FAM178B: variants seen among roughly 807,000 people sequenced by gnomAD.
The protein encoded by FAM178B is protein FAM178B.
In FAM178B, 82 loss-of-function variants were observed where a neutral mutation model predicts 91.7. The observed-to-expected ratio is 0.89, with a 90% CI of 0.75 to 1.07. The LOEUF (loss-of-function observed/expected upper bound fraction) is 1.07, where lower values mean the gene tolerates loss of function less well. Ranked by LOEUF, FAM178B falls within the 50% of genes least tolerant of loss-of-function variation. FAM178B has a pLI of 0.00. For synonymous variants in FAM178B, 368 were observed against 359.4 expected (o/e 1.02, Z -0.27); for missense variants, 769 against 846.7 (o/e 0.91, Z 1.14).
At chr2:96,933,698 G>C (rs2081579796) in intron 8 of FAM178B, among the ~76,000 whole-genome samples, 1 of 152,182 alleles carries the variant, frequency 6.6e-6, no homozygotes, top group Admixed American at 6.5e-5. Flanking sequence ...CAGCTAATGA[G>C]CTCTGCTGGG....
At chr2:96,879,071 G>C (rs1476876516) in intron 14 of FAM178B, among the ~76,000 whole-genome samples, 2 of 152,212 alleles carry the variant, frequency 1.3e-5, no homozygotes, top group Non-Finnish European at 2.9e-5. Flanking sequence ...AGAACAATTT[G>C]ATCTTGAGGC....
intron 16 of FAM178B, among the ~76,000 whole-genome samples, chr2:96,876,602 A>G (rs2080247811): frequency 6.6e-6 from 1 of 151,984 alleles, no homozygotes; most frequent in Non-Finnish European, 1.5e-5. Context: ...TTCCTTGGGG[A>G]GTGAGGGTGA....
rs60102987 is a variant in FAM178B, at chr2:96,930,210, CAAAAAAAAAAA to C, written c.1079-901_1079-891del. Among the ~76,000 whole-genome samples the C allele has an allele frequency of 9.0e-3, 355 of 39,526 alleles. 12 individuals carry two copies. In the East Asian group the frequency reaches 0.14, roughly 15 times the overall value. The allele number at this position is 39,526 out of a possible 152,430, so 25.9% of individuals were successfully genotyped here. A position where few individuals can be genotyped will look rare whatever the true frequency, so the allele number is the denominator to read the frequency against. On this transcript the variant is annotated intron_variant, in intron 8 of 16. Coordinates refer to ENST00000490605, the MANE Select transcript of FAM178B (RefSeq NM_001122646.3). ...GTGACAGAGCGAGACTCCGTCTCTC[CAAAAAAAAAAA>C]AAAAAAAAAAAAAAAAAAAAAAATC...
In FAM178B at chr2:96,890,197, C is replaced by T. The variant is rs2080637452; in HGVS notation, c.1776+3729G>A. On this transcript the variant is annotated intron_variant, in intron 14 of 16. Transcript: ENST00000490605. The stretch of plus-strand genomic sequence containing the variant: ...GTCTCAGGCACGAGAATCGCTTGAA[C>T]CTGGGAGGTGGAGGTTGCAGTGAGC... Among the ~76,000 whole-genome samples the T allele has an allele frequency of 2.0e-5, 3 of 152,134 alleles. No homozygotes were observed. The South Asian group carries it at 6.2e-4, about 32-fold the overall frequency.
intron 8 of FAM178B, among the ~76,000 whole-genome samples, chr2:96,944,667 T>C (rs1330311774): frequency 6.6e-6 from 1 of 152,212 alleles, no homozygotes; most frequent in African/African-American, 2.4e-5. Flanking sequence ...TTCCTTGTCA[T>C]GTGAGCTAAC....
intron 12 of FAM178B, among the ~76,000 whole-genome samples, chr2:96,906,357 A>G (rs1034910213): frequency 2.6e-5 from 4 of 151,944 alleles, no homozygotes; most frequent in Non-Finnish European, 4.4e-5. Context: ...ATGTACCACC[A>G]AGCCCGACCG....
intron 1 of FAM178B, among the ~76,000 whole-genome samples, chr2:96,979,354 A>G (rs1370818046): frequency 7.1e-6 from 1 of 140,768 alleles, no homozygotes; most frequent in Non-Finnish European, 1.5e-5. Flanking sequence ...ATCTTCACTC[A>G]CTGCAACCTC....
Position 96,922,535 on chromosome 2 carries a change from A to G in FAM178B, c.1288-881T>C, listed in dbSNP as rs770498770. On this transcript the variant is annotated intron_variant, in intron 10 of 16. Coordinates refer to ENST00000490605, the MANE Select transcript of FAM178B (RefSeq NM_001122646.3). ...CGACTAATTATTGTATGTTTAGTAG[A>G]GACGGGGTTTCACCATGTTGGCCAG... 5.3e-5 allele frequency among the ~76,000 whole-genome samples: 8 copies of G among 152,186 alleles called. 1 individual carries two copies. Among genetic ancestry groups the G allele is most frequent in the Non-Finnish European group, 1.0e-4 (7 of 68,032 alleles).
chr2:96,975,023 G>A (rs191741407), intron 1 of FAM178B, among the ~76,000 whole-genome samples: 6 of 150,090 alleles, frequency 4.0e-5, no homozygotes, highest in East Asian at 2.0e-4. Flanking sequence ...CCCGGGAGGC[G>A]GAGGTTGCAG....
chr2:96,960,515 G>T, intron 5 of FAM178B, 75 bp from the exon 6 acceptor site: 1 of 1,459,504 alleles, frequency 6.9e-7, no homozygotes, highest in Non-Finnish European at 9.2e-7. Context: ...TTAGCCCAGG[G>T]AAGGATAGAG....
At chr2:96,960,689 A>G (rs2082067235) in intron 5 of FAM178B, among the ~76,000 whole-genome samples, 1 of 152,196 alleles carries the variant, frequency 6.6e-6, no homozygotes, top group African/African-American at 2.4e-5. Flanking sequence ...CAGAAGACCC[A>G]ACCCCACCCA....
At chr2:96,894,400 G>T (rs57675226) in intron 13 of FAM178B, among the ~76,000 whole-genome samples, 9,949 of 86,054 alleles carry the variant, frequency 0.12, 603 homozygotes, top group Middle Eastern at 0.22. Context: ...ACATACCCAG[G>T]CCTCCCACCC....
intron 8 of FAM178B, among the ~76,000 whole-genome samples, chr2:96,933,767 G>A (rs570761866): frequency 3.3e-4 from 51 of 152,286 alleles, no homozygotes; most frequent in Non-Finnish European, 6.5e-4. Flanking sequence ...CCCTGAATCC[G>A]AGATACCACA....
chr2:96,975,781 T>C (rs1413328830), intron 1 of FAM178B, among the ~76,000 whole-genome samples: 2 of 152,334 alleles, frequency 1.3e-5, no homozygotes, highest in East Asian at 3.9e-4. Flanking sequence ...TGTACCATAG[T>C]TCCCCCTTAT....
rs779288579 is a variant in FAM178B, at chr2:96,967,531, T to A, written c.723A>T (p.Thr241=). ...CCCCTGCCCCTCACCTGTGCTCGGG[T>A]GTGAGTGGCACTTCCTCTTCATCAA... is the stretch of plus-strand genomic sequence containing the variant. The part of the protein sequence containing the change: ...LDLDEEEVPL[T]PEHRMLVEKY... Residue 241 remains threonine (T), a synonymous_variant, in exon 5 of 17, where the codon ACA becomes ACT. Transcript: ENST00000490605. The A allele has an allele frequency of 1.3e-6, 2 of 1,546,474 alleles. No individual in the cohort carries two copies. Among genetic ancestry groups the A allele is most frequent in the South Asian group, 2.4e-5 (2 of 83,990 alleles).
intron 8 of FAM178B, among the ~76,000 whole-genome samples, chr2:96,945,261 G>A (rs1050358764): frequency 6.6e-6 from 1 of 152,006 alleles, no homozygotes; most frequent in Non-Finnish European, 1.5e-5. Flanking sequence ...ACAATTCTCC[G>A]TTACCGCCCC....
chr2:96,878,541 C>A (rs749976602), intron 14 of FAM178B, 48 bp from the exon 15 acceptor site: 1 of 1,580,840 alleles, frequency 6.3e-7, no homozygotes, highest in South Asian at 1.1e-5. Flanking sequence ...CCACCCAGGG[C>A]AGCATGGCGT....
At chr2:96,878,381 A>G in intron 15 of FAM178B, 35 bp downstream of exon 15, 1 of 1,592,766 alleles carries the variant, frequency 6.3e-7, no homozygotes, top group South Asian at 1.1e-5. Context: ...ACAGCTGGGC[A>G]CCCCCACCAC....
At chr2:96,946,889 A>C (rs1217059509) in intron 8 of FAM178B, among the ~76,000 whole-genome samples, 1 of 152,214 alleles carries the variant, frequency 6.6e-6, no homozygotes, top group Non-Finnish European at 1.5e-5. Context: ...GCAGGGGCGG[A>C]GGAGTCTGGA....
Sources: gnomAD v4.1 joint callset for allele counts (sites outside exome capture counted in the v4.1 genomes callset) on GRCh38, gnomAD v4.1.1 for gene constraint, MANE v1.5 for transcripts, NCBI Gene and HGNC (gene_info 2026-07-23, HGNC 2026-07-21) for gene names.